BARX2: variants seen among roughly 807,000 people sequenced by gnomAD.
BARX2 encodes BARX homeobox 2.
Under a neutral mutation model 25.5 loss-of-function variants are expected in BARX2, and 11 were observed. The ratio of observed to expected loss-of-function variants is 0.43; its 90% CI spans 0.27 to 0.71. BARX2 has a LOEUF of 0.71. Among genes scored for constraint, BARX2 ranks in the 30% least tolerant of loss-of-function variants. The pLI, the probability that BARX2 is intolerant of heterozygous loss-of-function variation, is 0.19. For missense variants in BARX2, 360 were observed against 359.9 expected (o/e 1.00, Z 0.00); for synonymous variants, 137 against 149.5 (o/e 0.92, Z 0.61).
At chr11:129,377,604 A>G (rs1028258603) in intron 1 of BARX2, among the ~76,000 whole-genome samples, 23 of 152,262 alleles carry the variant, frequency 1.5e-4, no homozygotes, top group African/African-American at 5.5e-4. Flanking sequence ...ATATTTTTAC[A>G]TTTGTGTATA....
chr11:129,423,822 G>C (rs965967964), intron 1 of BARX2, among the ~76,000 whole-genome samples: 6 of 151,150 alleles, frequency 4.0e-5, no homozygotes, highest in African/African-American at 1.5e-4. Context: ...GTACTCCAAG[G>C]TCCAGTCCTT....
intron 1 of BARX2, among the ~76,000 whole-genome samples, chr11:129,420,683 C>T (rs1861994743): frequency 6.6e-6 from 1 of 152,166 alleles, no homozygotes; most frequent in Non-Finnish European, 1.5e-5. Context: ...TACTTCACCT[C>T]CTTGTGAACT....
In BARX2 at chr11:129,376,103, A is replaced by G; in HGVS notation, c.68A>G (p.Lys23Arg). 1 of 1,612,928 alleles carries G rather than the reference A, an allele frequency of 6.2e-7. No individual in the cohort carries two copies. The highest frequency in any genetic ancestry group is 8.5e-7 in the Non-Finnish European group (1 of 1,179,514). The change falls in exon 1 of 4, where the codon AAG (lysine) becomes AGG (arginine). Residue 23 changes from lysine (K) to arginine (R), a missense_variant. Lys to Arg is a conservative substitution (Grantham distance 26, BLOSUM62 2). Transcript: ENST00000281437. This position sits in a 1 kb window ranked among gnomAD's most constrained non-coding sequence, Gnocchi z 4.2. ...CTCAAAGCAGCCAGGCGGCGCTACA[A>G]GACTTTCATGATCGACGAGATCCTC... ...GQLKAARRRY[K>R]TFMIDEILSK...
At chr11:129,416,242 G>C (rs954219730) in intron 1 of BARX2, among the ~76,000 whole-genome samples, 7 of 152,298 alleles carry the variant, frequency 4.6e-5, no homozygotes, top group African/African-American at 1.7e-4. Flanking sequence ...TTTGGGAATC[G>C]TGTCGTAGAT....
At chr11:129,441,177 T>A (rs371432876) in intron 2 of BARX2, among the ~76,000 whole-genome samples, 20 of 152,302 alleles carry the variant, frequency 1.3e-4, no homozygotes, top group African/African-American at 3.8e-4. Flanking sequence ...TGTTTGCTGC[T>A]TCCTGGGATG....
chr11:129,408,153 G>A (rs1048966079), intron 1 of BARX2, among the ~76,000 whole-genome samples: 2 of 151,936 alleles, frequency 1.3e-5, no homozygotes, highest in Non-Finnish European at 2.9e-5. Context: ...TTGGGGGACT[G>A]ACAGAAGGAC....
chr11:129,378,173 CA>C (rs1861523614), intron 1 of BARX2, among the ~76,000 whole-genome samples: 1 of 152,166 alleles, frequency 6.6e-6, no homozygotes, highest in Non-Finnish European at 1.5e-5. Context: ...TCCGTTATTC[CA>C]GTACTTTCTT....
intron 2 of BARX2, chr11:129,438,188 T>G (rs1377670581): frequency 2.0e-5 from 3 of 151,998 alleles, no homozygotes; most frequent in Non-Finnish European, 1.5e-5. Context: ...CTGGGTGTAG[T>G]GGCAGGTACT....
At chr11:129,421,186 G>C (rs1196776059) in intron 1 of BARX2, among the ~76,000 whole-genome samples, 1 of 152,176 alleles carries the variant, frequency 6.6e-6, no homozygotes, top group African/African-American at 2.4e-5. Flanking sequence ...AAATCTTATT[G>C]CTGTTATTCC....
intron 1 of BARX2, among the ~76,000 whole-genome samples, chr11:129,379,737 A>C (rs1306473581): frequency 1.3e-5 from 2 of 152,172 alleles, no homozygotes; most frequent in African/African-American, 4.8e-5. Context: ...AATTACCCTA[A>C]GGGTTTTCAC....
rs943104883 is a variant in BARX2, at chr11:129,436,408, C to G, written c.188-343C>G. On this transcript the variant is annotated intron_variant, in intron 1 of 3. Transcript: ENST00000281437. The surrounding 1 kb of genome is among the most constrained non-coding windows in gnomAD (Gnocchi z 4.5). Reference sequence around the variant, plus strand: ...TTTCGGGTTTCTGAAATATGTGTCTCTAGCTTTTCCTGACTACTTCTTTTC... The same window carrying G: ...TTTCGGGTTTCTGAAATATGTGTCTGTAGCTTTTCCTGACTACTTCTTTTC... 3 of 292,696 alleles carry G rather than the reference C, an allele frequency of 1.0e-5. No individual in the cohort carries two copies. Among genetic ancestry groups the G allele is most frequent in the Non-Finnish European group, 1.9e-5 (3 of 158,832 alleles). 18.1% of individuals were successfully genotyped at this position (292,696 alleles called of 1,614,324 possible).
At chr11:129,441,417 A>G (rs1166391821) in intron 2 of BARX2, among the ~76,000 whole-genome samples, 1 of 152,170 alleles carries the variant, frequency 6.6e-6, no homozygotes, top group African/African-American at 2.4e-5. Flanking sequence ...CAACTACCCA[A>G]TTCTGATATT....
chr11:129,424,450 A>T (rs1862041932), intron 1 of BARX2, among the ~76,000 whole-genome samples: 1 of 152,030 alleles, frequency 6.6e-6, no homozygotes, highest in Non-Finnish European at 1.5e-5. Context: ...CCCACCCTGC[A>T]GGTTGTTTCC....
chr11:129,437,401 A>G, intron 2 of BARX2: 1 of 989,124 alleles, frequency 1.0e-6, no homozygotes, highest in Non-Finnish European at 1.2e-6. Context: ...TTAGGATTGG[A>G]GGCAGCAGGA....
intron 1 of BARX2, among the ~76,000 whole-genome samples, chr11:129,420,865 G>A (rs1285383302): frequency 6.6e-6 from 1 of 152,212 alleles, no homozygotes; most frequent in East Asian, 1.9e-4. Flanking sequence ...AGAAATATTA[G>A]AGAGACATAT....
At chr11:129,429,022 T>TTTC (rs1491430382) in intron 1 of BARX2, among the ~76,000 whole-genome samples, 22 of 149,598 alleles carry the variant, frequency 1.5e-4, no homozygotes, top group Non-Finnish European at 1.9e-4. Context: ...TTTTTTTTTT[T>TTTC]CATGAAGATT....
At chr11:129,399,356 C>A (rs2135392127) in intron 1 of BARX2, among the ~76,000 whole-genome samples, 1 of 152,264 alleles carries the variant, frequency 6.6e-6, no homozygotes, top group East Asian at 1.9e-4. Flanking sequence ...TCTCTTGAAT[C>A]TAGAGACCTT....
chr11:129,444,227 A>G lies in BARX2; in HGVS notation c.573+1308A>G, dbSNP rs567514285. Among the ~76,000 whole-genome samples the G allele has an allele frequency of 6.0e-5, 8 of 132,920 alleles. No individual in the cohort carries two copies. The East Asian group carries it at 1.4e-3, about 23-fold the overall frequency. 87.2% of individuals were successfully genotyped at this position (132,920 alleles called of 152,430 possible). A position where few individuals can be genotyped will look rare whatever the true frequency, so the allele number is the denominator to read the frequency against. On this transcript the variant is annotated intron_variant, in intron 3 of 3. Coordinates refer to ENST00000281437, the MANE Select transcript of BARX2 (RefSeq NM_003658.5). Reference sequence around the variant, plus strand: ...GCTATTTTCTGCTAACAATGAGGAGAAAAAAAAAAACAAAATAAGTAAATT... The same window carrying G: ...GCTATTTTCTGCTAACAATGAGGAGGAAAAAAAAAACAAAATAAGTAAATT...
intron 1 of BARX2, among the ~76,000 whole-genome samples, chr11:129,429,723 C>T (rs1862108494): frequency 6.6e-6 from 1 of 152,028 alleles, no homozygotes; most frequent in African/African-American, 2.4e-5. Flanking sequence ...GGGAATAGAC[C>T]CATGTATACA....
Sources: gnomAD v4.1 joint callset for allele counts (sites outside exome capture counted in the v4.1 genomes callset) on GRCh38, gnomAD v4.1.1 for gene constraint, Gnocchi (gnomAD v3.1) non-coding constraint, MANE v1.5 for transcripts, NCBI Gene and HGNC (gene_info 2026-07-23, HGNC 2026-07-21) for gene names.